Variants in METTL25 observed in about 807,000 individuals in gnomAD.
METTL25 encodes methyltransferase like 25.
A neutral mutation model predicts 71.6 loss-of-function variants in METTL25; 64 were observed. The observed-to-expected ratio is 0.89, with a 90% CI of 0.73 to 1.10. METTL25 has a LOEUF of 1.10. METTL25 is among the 50% of genes least tolerant of loss of function. The pLI is 0.00. For missense variants in METTL25, 807 were observed against 707.0 expected (o/e 1.14, Z -1.60); for synonymous variants, 287 against 250.3 (o/e 1.15, Z -1.38).
At chr12:82,417,129 T>C (rs964159541) in intron 5 of METTL25, among the ~76,000 whole-genome samples, 2 of 152,048 alleles carry the variant, frequency 1.3e-5, no homozygotes, top group African/African-American at 2.4e-5. Flanking sequence ...CATCAGTCCT[T>C]AAAGAGAATA....
chr12:82,429,289 G>C (rs1384019795), intron 5 of METTL25, among the ~76,000 whole-genome samples: 1 of 151,404 alleles, frequency 6.6e-6, no homozygotes, highest in Non-Finnish European at 1.5e-5. Context: ...ATATGAGTGA[G>C]AATGTGCAAT....
chr12:82,418,666 T>G (rs1164829038), intron 5 of METTL25, among the ~76,000 whole-genome samples: 1 of 152,118 alleles, frequency 6.6e-6, no homozygotes, highest in Non-Finnish European at 1.5e-5. Context: ...GCTGTAAATG[T>G]TCCCAAGAAG....
chr12:82,431,027 G>T (rs372077163), intron 6 of METTL25, 40 bp downstream of exon 6: 25 of 1,343,938 alleles, frequency 1.9e-5, no homozygotes, highest in East Asian at 9.5e-5. Context: ...GCTTTATCCA[G>T]ATGTTGTAGA....
In METTL25 at chr12:82,413,750, ATTTACT is replaced by A. The variant is rs536583982; in HGVS notation, c.1279+10625_1279+10630del. 4.1e-3 allele frequency among the ~76,000 whole-genome samples: 625 copies of A among 152,058 alleles called. 7 individuals are homozygous for A. The highest frequency in any genetic ancestry group is 5.3e-3 in the Admixed American group (81 of 15,230). On this transcript the variant is annotated intron_variant, in intron 5 of 11. Coordinates refer to ENST00000248306, the MANE Select transcript of METTL25 (RefSeq NM_032230.3). ...TAACCTTATTTGTATTTATCAAGAC[ATTTACT>A]TTTAGTATCTTTTTTTTCTTACTTA...
rs1890120093 is a variant in METTL25, at chr12:82,438,821, CTA to C, written c.1478+32_1478+33del. 4.0e-6 allele frequency: 6 copies of C among 1,492,278 alleles called. No individual in the cohort carries two copies. In the South Asian group the frequency reaches 5.2e-5, roughly 13 times the overall value. 92.4% of individuals were successfully genotyped at this position (1,492,278 alleles called of 1,614,324 possible). A position where few individuals can be genotyped will look rare whatever the true frequency, so the allele number is the denominator to read the frequency against. Reference sequence around the variant, plus strand: ...GAGGATTTTATTTTAATAAGAATAACTATGTTATATTGTAAGTAAAGTGACTT... The same window carrying C: ...GAGGATTTTATTTTAATAAGAATAACTGTTATATTGTAAGTAAAGTGACTT... On this transcript the variant is annotated intron_variant, in intron 8 of 11. Transcript: ENST00000248306.
rs756821288 is a variant in METTL25 at position 82,358,740 on chromosome 12, C to T, written c.175C>T (p.Leu59=). ...ELVDLPPETV[L]AALRKSASET... is the part of the protein sequence containing the mutation. Reference sequence around the variant, plus strand: ...GGTCGACTTGCCACCGGAGACAGTGCTGGCTGCGCTGAGGAAGTCAGCGTC... The same window carrying T: ...GGTCGACTTGCCACCGGAGACAGTGTTGGCTGCGCTGAGGAAGTCAGCGTC... The change falls in exon 1 of 12, where the codon CTG becomes TTG. Residue 59 remains leucine, a synonymous_variant. Coordinates refer to ENST00000248306, the MANE Select transcript of METTL25 (RefSeq NM_032230.3). The T allele has an allele frequency of 2.5e-6, 4 of 1,614,122 alleles. No homozygotes were observed. The highest frequency in any genetic ancestry group is 1.7e-5 in the Admixed American group (1 of 60,032).
intron 5 of METTL25, among the ~76,000 whole-genome samples, chr12:82,420,325 G>A (rs976220330): frequency 6.6e-6 from 1 of 152,118 alleles, no homozygotes; most frequent in Admixed American, 6.6e-5. Flanking sequence ...TCCTAAAAGG[G>A]TGTATCTTAT....
At position 82,476,720 on chromosome 12, in the gene METTL25, T is replaced by G. The variant is rs776087285; in HGVS notation, c.1647+2T>G. On this transcript the variant is annotated splice_donor_variant, in intron 10 of 11. Transcript: ENST00000248306. LOFTEE classifies it high-confidence loss of function. ...AATGAGCTGGAAGCTTTTAATATGG[T>G]AAATCTCAGAGTTAAGCATATTAAA... 6 of 1,573,668 alleles carry G rather than the reference T, an allele frequency of 3.8e-6. No homozygotes were observed. In the South Asian group the frequency reaches 5.9e-5, roughly 15 times the overall value.
chr12:82,469,443 GAGA>G (rs2137297153), intron 9 of METTL25, among the ~76,000 whole-genome samples: 1 of 152,128 alleles, frequency 6.6e-6, no homozygotes, highest in East Asian at 2.0e-4. Context: ...CAATAGGAAG[GAGA>G]AGAATGACAG....
intron 2 of METTL25, 79 bp downstream of exon 2, chr12:82,387,046 CA>C: frequency 8.8e-7 from 1 of 1,137,998 alleles, no homozygotes; most frequent in Admixed American, 2.3e-5. Context: ...TGTATCTTTC[CA>C]AAATATTATT....
chr12:82,451,751 A>G (rs951185338), intron 8 of METTL25, among the ~76,000 whole-genome samples: 22 of 152,194 alleles, frequency 1.4e-4, no homozygotes, highest in African/African-American at 4.1e-4. Context: ...TCCAAAGGAA[A>G]TGACAATAAC....
chr12:82,384,274 C>G (rs1056502239), intron 1 of METTL25, among the ~76,000 whole-genome samples: 1 of 151,760 alleles, frequency 6.6e-6, no homozygotes, highest in African/African-American at 2.4e-5. Flanking sequence ...ATACAAGTAC[C>G]TAGGGAAGAA....
At chr12:82,374,178 C>T (rs371954610) in intron 1 of METTL25, 6 of 161,354 alleles carry the variant, frequency 3.7e-5, no homozygotes, top group African/African-American at 7.2e-5. Context: ...ACTTCAAGAA[C>T]GAAGCCACAG....
At chr12:82,373,183 G>A (rs1883454410) in intron 1 of METTL25, among the ~76,000 whole-genome samples, 1 of 152,108 alleles carries the variant, frequency 6.6e-6, no homozygotes, top group African/African-American at 2.4e-5. Flanking sequence ...AATATGTTAT[G>A]CCCCAAAAAT....
chr12:82,419,095 C>G (rs1888237106), intron 5 of METTL25, among the ~76,000 whole-genome samples: 1 of 151,952 alleles, frequency 6.6e-6, no homozygotes, highest in African/African-American at 2.4e-5. Flanking sequence ...AGATGCTGAT[C>G]AAGAGGCAGC....
intron 1 of METTL25, among the ~76,000 whole-genome samples, chr12:82,361,941 G>A (rs990257278): frequency 3.9e-5 from 6 of 152,238 alleles, no homozygotes; most frequent in Non-Finnish European, 7.3e-5. Context: ...CGCCAAGAGC[G>A]AGTGAGGGCT....
At chr12:82,436,868 CT>C (rs1889955140) in intron 7 of METTL25, among the ~76,000 whole-genome samples, 1 of 151,480 alleles carries the variant, frequency 6.6e-6, no homozygotes, top group Admixed American at 6.6e-5. Flanking sequence ...AAGTTAAGAA[CT>C]TTGTAAGCCA....
At position 82,473,720 on chromosome 12, in the gene METTL25, G is replaced by A. The variant is rs79819763; in HGVS notation, c.1573-2924G>A. On this transcript the variant is annotated intron_variant, in intron 9 of 11. Coordinates refer to ENST00000248306, the MANE Select transcript of METTL25 (RefSeq NM_032230.3). ...TTGTTTGGAGGCTTCATGGCCTCTC[G>A]CCCTCAGGAGAGGGCACGCAGCAAT... Among the ~76,000 whole-genome samples the A allele has an allele frequency of 5.6e-3, 858 of 152,236 alleles. 4 individuals carry two copies. The highest frequency in any genetic ancestry group is 0.011 in the Admixed American group (169 of 15,296).
At chr12:82,473,765 G>A (rs1892708809) in intron 9 of METTL25, among the ~76,000 whole-genome samples, 2 of 152,132 alleles carry the variant, frequency 1.3e-5, no homozygotes, top group Admixed American at 6.5e-5. Flanking sequence ...TCAAGGGTAG[G>A]TTTACACTAG....
Sources: allele counts gnomAD v4.1 joint callset (sites outside exome capture counted in the v4.1 genomes callset), GRCh38; gene constraint gnomAD v4.1.1; transcripts MANE v1.5; gene names NCBI Gene and HGNC (gene_info 2026-07-23, HGNC 2026-07-21).